Variants in RAD52 observed in about 807,000 individuals in gnomAD.
RAD52 encodes the protein RAD52 DNA repair protein, also known as DNA repair protein RAD52 homolog.
In RAD52, 47 loss-of-function variants were observed where a neutral mutation model predicts 55.5. That is an observed-to-expected ratio of 0.85 (90% CI 0.67 to 1.08). The LOEUF is 1.08. Among genes scored for constraint, RAD52 ranks in the 50% least tolerant of loss-of-function variants. The pLI is 0.00. For missense variants in RAD52, 468 were observed against 522.8 expected (o/e 0.90, Z 1.02); for synonymous variants, 184 against 198.9 (o/e 0.92, Z 0.63).
intron 2 of RAD52, 108 bp from the exon 3 acceptor site, chr12:931,429 C>G (rs1243453958): frequency 3.8e-6 from 3 of 792,528 alleles, no homozygotes; most frequent in Non-Finnish European, 5.8e-6. Flanking sequence ...CCCCCAGAAC[C>G]TTTGTTTATG....
intron 7 of RAD52, among the ~76,000 whole-genome samples, chr12:924,327 T>C (rs1373764613): frequency 4.1e-5 from 6 of 146,278 alleles, no homozygotes; most frequent in Admixed American, 2.1e-4. Flanking sequence ...GGAGCATCGC[T>C]GGAACCCAGG....
At chr12:982,602 C>T (rs1959031944) in intron 1 of RAD52, among the ~76,000 whole-genome samples, 1 of 150,284 alleles carries the variant, frequency 6.7e-6, no homozygotes, top group African/African-American at 2.5e-5. Context: ...GAGACCTCCC[C>T]AGAATCACCT....
At chr12:966,278 T>C (rs930852942) in intron 1 of RAD52, among the ~76,000 whole-genome samples, 5 of 152,082 alleles carry the variant, frequency 3.3e-5, no homozygotes, top group South Asian at 2.1e-4. Flanking sequence ...AATATGTAAA[T>C]AGGGGTGTTG....
chr12:984,543 T>C (rs1435205636), intron 1 of RAD52, among the ~76,000 whole-genome samples: 1 of 152,080 alleles, frequency 6.6e-6, no homozygotes, highest in Admixed American at 6.6e-5. Context: ...CATATGAATG[T>C]AATCATATAA....
At chr12:914,621 G>A in intron 9 of RAD52, 89 bp from the exon 10 acceptor site, 1 of 1,507,522 alleles carries the variant, frequency 6.6e-7, no homozygotes, top group Admixed American at 2.0e-5. Context: ...TCTTGTTAGA[G>A]GGAACACTCT....
At chr12:945,348 C>CAA (rs202144770) in intron 1 of RAD52, among the ~76,000 whole-genome samples, 20,189 of 139,026 alleles carry the variant, frequency 0.15, 1,557 homozygotes, top group East Asian at 0.37. Flanking sequence ...GACTCTGTCT[C>CAA]AAAAAAAAAA....
intron 1 of RAD52, among the ~76,000 whole-genome samples, chr12:963,207 T>C (rs1260963357): frequency 1.3e-5 from 2 of 152,150 alleles, no homozygotes; most frequent in African/African-American, 4.8e-5. Flanking sequence ...TTGCATAGAG[T>C]GTTCTATAGC....
intron 1 of RAD52, among the ~76,000 whole-genome samples, chr12:970,538 C>G (rs764122338): frequency 1.3e-5 from 2 of 151,970 alleles, no homozygotes; most frequent in Non-Finnish European, 2.9e-5. Flanking sequence ...TCCTAAGATT[C>G]TTTTTTCAGT....
At chr12:944,624 A>C (rs1377442781) in intron 1 of RAD52, among the ~76,000 whole-genome samples, 14 of 151,836 alleles carry the variant, frequency 9.2e-5, no homozygotes, top group South Asian at 4.1e-4. Context: ...AAAAAAAAAA[A>C]AAAACTCAGG....
intron 1 of RAD52, among the ~76,000 whole-genome samples, chr12:985,265 C>T (rs974485552): frequency 2.6e-5 from 4 of 152,206 alleles, no homozygotes; most frequent in African/African-American, 9.6e-5. Flanking sequence ...CTCAGCCTCA[C>T]AAGTAGCTGG....
Position 979,908 on chromosome 12 carries a change from G to A in RAD52, c.-19+9901C>T, listed in dbSNP as rs193026271. On this transcript the variant is annotated intron_variant, in intron 1 of 11. Coordinates refer to the RAD52 transcript ENST00000430095. The stretch of plus-strand genomic sequence containing the variant: ...TAAAAATACAAAAAATTAGCCAGGC[G>A]TGGTGGCAGGCACCTGTAGTCCCAG... 3.9e-3 allele frequency among the ~76,000 whole-genome samples: 601 copies of A among 152,208 alleles called. 9 individuals are homozygous for A. Among genetic ancestry groups the A allele is most frequent in the African/African-American group, 0.014 (581 of 41,534 alleles).
At position 916,678 on chromosome 12, in the gene RAD52, C is replaced by G. The variant is rs777259613; in HGVS notation, c.686G>C (p.Ser229Thr). The G allele has an allele frequency of 1.2e-6, 2 of 1,614,070 alleles. No homozygotes were observed. The highest frequency in any genetic ancestry group is 1.1e-5 in the South Asian group (1 of 91,070). Reference protein sequence around the residue: ...LQQVTSPSRPSHAVIPADQDC... With the variant: ...LQQVTSPSRPTHAVIPADQDC... ...CTGGTCCGCCGGTATCACAGCATGG[C>G]TGGGTCTGGAAGGGGAGGTCACCTG... Residue 229 changes from serine to threonine, a missense_variant, in exon 8 of 12, where the codon AGC (serine) becomes ACC (threonine). Coordinates refer to ENST00000358495, the MANE Select transcript of RAD52 (RefSeq NM_134424.4).
chr12:912,454 T>C lies in RAD52; in HGVS notation c.*937A>G, dbSNP rs1592297115. ...TTGGGTCCCATCCCCAAGGTCTCAT[T>C]ATGTGTATACAAATATTCAAAAAAT... is the stretch of plus-strand genomic sequence containing the variant. On this transcript the variant is annotated 3_prime_UTR_variant, in exon 12 of 12. Transcript: ENST00000358495. 8 of 198,046 alleles carry C rather than the reference T, an allele frequency of 4.0e-5. No homozygotes were observed. In the East Asian group the frequency reaches 6.3e-4, roughly 16 times the overall value. 12.3% of individuals were successfully genotyped at this position (198,046 alleles called of 1,614,324 possible). A position where few individuals can be genotyped will look rare whatever the true frequency, so the allele number is the denominator to read the frequency against.
chr12:916,295 C>G, intron 9 of RAD52, 49 bp downstream of exon 9: 1 of 1,591,710 alleles, frequency 6.3e-7, no homozygotes. Flanking sequence ...TGCGGCTACA[C>G]TTCCTCCTGC....
chr12:987,368 ATT>A (rs34499273), intron 1 of RAD52, among the ~76,000 whole-genome samples: 18 of 150,860 alleles, frequency 1.2e-4, no homozygotes, highest in African/African-American at 3.2e-4. Flanking sequence ...ACATGGTTGA[ATT>A]TTTTTTTTCT....
At chr12:947,506 T>G (rs10849600) in intron 1 of RAD52, among the ~76,000 whole-genome samples, 332 of 146,820 alleles carry the variant, frequency 2.3e-3, no homozygotes, top group Middle Eastern at 0.012. Flanking sequence ...AAAATTAGCC[T>G]GGCATAGTGG....
intron 1 of RAD52, among the ~76,000 whole-genome samples, chr12:937,566 C>G (rs1375793703): frequency 2.0e-5 from 3 of 152,130 alleles, no homozygotes; most frequent in African/African-American, 7.2e-5. Context: ...GCTGGGATTA[C>G]AGGCATCCAC....
intron 7 of RAD52, among the ~76,000 whole-genome samples, chr12:920,882 C>T (rs1956691058): frequency 6.6e-6 from 1 of 152,202 alleles, no homozygotes; most frequent in Non-Finnish European, 1.5e-5. Context: ...TTCTCCAAGA[C>T]AGACTACATG....
At chr12:966,030 G>A (rs1403352623) in intron 1 of RAD52, among the ~76,000 whole-genome samples, 1 of 152,048 alleles carries the variant, frequency 6.6e-6, no homozygotes, top group East Asian at 1.9e-4. Flanking sequence ...AGGCTGGAGT[G>A]CAGTGGCACG....
Sources: allele counts gnomAD v4.1 joint callset (sites outside exome capture counted in the v4.1 genomes callset), GRCh38; gene constraint gnomAD v4.1.1; transcripts MANE v1.5; gene names NCBI Gene and HGNC (gene_info 2026-07-23, HGNC 2026-07-21).